Variants in CRISPLD2 observed in about 807,000 individuals in gnomAD.
CRISPLD2 encodes cysteine rich secretory protein LCCL domain containing 2, also known as cysteine-rich secretory protein LCCL domain-containing 2.
CRISPLD2 carries 47 observed loss-of-function variants against 71.1 expected under a neutral mutation model. The ratio of observed to expected loss-of-function variants is 0.66; its 90% CI spans 0.52 to 0.84. The LOEUF is 0.84. Ranked by LOEUF, CRISPLD2 falls within the 40% of genes least tolerant of loss-of-function variation. The pLI is 0.00. For missense variants in CRISPLD2, 830 were observed against 651.1 expected (o/e 1.27, Z -2.99); for synonymous variants, 317 against 250.1 (o/e 1.27, Z -2.52).
chr16:84,854,635 G>A, intron 5 of CRISPLD2, 94 bp from the exon 6 acceptor site: 1 of 856,086 alleles, frequency 1.2e-6, no homozygotes, highest in Non-Finnish European at 2.0e-6. Context: ...GTCAGTGGCG[G>A]TGTTCAGGGA....
At chr16:84,837,701 G>A (rs1217776948) in intron 1 of CRISPLD2, among the ~76,000 whole-genome samples, 1 of 152,138 alleles carries the variant, frequency 6.6e-6, no homozygotes, top group Non-Finnish European at 1.5e-5. Context: ...ACAGGCGTGA[G>A]CCACCGCCCC....
intron 14 of CRISPLD2, among the ~76,000 whole-genome samples, chr16:84,902,798 G>T (rs1013977003): frequency 2.0e-5 from 2 of 100,570 alleles, no homozygotes; most frequent in East Asian, 3.5e-4. Context: ...TTTTGAGACA[G>T]AGTCTCACTC....
At chr16:84,820,825 A>G (rs1317177165) in intron 1 of CRISPLD2, among the ~76,000 whole-genome samples, 1 of 152,156 alleles carries the variant, frequency 6.6e-6, no homozygotes, top group Non-Finnish European at 1.5e-5. Context: ...GGGCACCTGC[A>G]TAACTCCTGC....
chr16:84,881,007 C>A (rs937231183), intron 13 of CRISPLD2, among the ~76,000 whole-genome samples: 3 of 152,086 alleles, frequency 2.0e-5, no homozygotes, highest in Middle Eastern at 3.2e-3. Context: ...ACCCGGCCAA[C>A]CTCTTAGCTA....
intron 2 of CRISPLD2, chr16:84,839,199 T>C: frequency 3.0e-6 from 1 of 335,676 alleles, no homozygotes; most frequent in South Asian, 2.3e-5. Flanking sequence ...GGCTCTGTTC[T>C]TAACATTCTG....
chr16:84,823,003 G>A (rs1167428980), intron 1 of CRISPLD2, among the ~76,000 whole-genome samples: 1 of 152,070 alleles, frequency 6.6e-6, no homozygotes, highest in Admixed American at 6.5e-5. Flanking sequence ...GAAACCCCAG[G>A]CCCATTAGGC....
At chr16:84,879,025 G>T (rs1053911644) in intron 12 of CRISPLD2, among the ~76,000 whole-genome samples, 1 of 152,170 alleles carries the variant, frequency 6.6e-6, no homozygotes, top group Non-Finnish European at 1.5e-5. Context: ...GGGACAATAG[G>T]TGGTGACCCC....
intron 12 of CRISPLD2, among the ~76,000 whole-genome samples, chr16:84,877,941 T>G (rs931964183): frequency 2.0e-5 from 3 of 151,040 alleles, no homozygotes; most frequent in Non-Finnish European, 2.9e-5. Flanking sequence ...CCGGGCACGG[T>G]GGCTCACGCC....
At chr16:84,848,390 A>G (rs926990665) in intron 3 of CRISPLD2, among the ~76,000 whole-genome samples, 1 of 150,732 alleles carries the variant, frequency 6.6e-6, no homozygotes, top group Non-Finnish European at 1.5e-5. Context: ...CATCGAAACC[A>G]CTTTGTTTAT....
At position 84,838,576 on chromosome 16, in the gene CRISPLD2, C is replaced by T. The variant is rs139901174; in HGVS notation, c.81C>T (p.Asn27=). The T allele has an allele frequency of 2.8e-4, 458 of 1,614,238 alleles. No individual in the cohort carries two copies. Among genetic ancestry groups the T allele is most frequent in the Middle Eastern group, 8.2e-4 (5 of 6,062 alleles). The change falls in exon 2 of 15, where the codon AAC becomes AAT. Residue 27 remains asparagine (N), a synonymous_variant. Coordinates refer to ENST00000262424, the MANE Select transcript of CRISPLD2 (RefSeq NM_031476.4). ...VCGSQGYLLP[N]VTLLEELLSK... Reference sequence around the variant, plus strand: ...GATCCCAAGGCTACCTCCTGCCCAACGTCACTCTCTTAGAGGAGCTGCTCA... The same window carrying T: ...GATCCCAAGGCTACCTCCTGCCCAATGTCACTCTCTTAGAGGAGCTGCTCA...
intron 9 of CRISPLD2, 97 bp downstream of exon 9, chr16:84,872,605 C>T (rs1023619393): frequency 4.6e-6 from 5 of 1,077,270 alleles, no homozygotes; most frequent in Non-Finnish European, 7.0e-6. Context: ...GATTTTCTTT[C>T]CACTCCTTAG....
Position 84,908,469 on chromosome 16 carries a change from G to C in CRISPLD2, c.*1827G>C, listed in dbSNP as rs1238737083. 6.6e-6 allele frequency: 1 copy of C among 152,276 alleles called. No individual in the cohort carries two copies. Among genetic ancestry groups the C allele is most frequent in the African/African-American group, 2.4e-5 (1 of 41,444 alleles). The allele number at this position is 152,276 out of a possible 1,614,324, so 9.4% of individuals were successfully genotyped here. ...GTGTCTGTGTCTGCAAGATAAATTA[G>C]ATCGCCCTGTGGGGTTTGCAGAATT... On this transcript the variant is annotated 3_prime_UTR_variant, in exon 15 of 15. Coordinates refer to ENST00000262424, the MANE Select transcript of CRISPLD2 (RefSeq NM_031476.4).
In CRISPLD2 at chr16:84,838,410, GCTTC is replaced by G; in HGVS notation, c.-74-8_-74-5del. The G allele has an allele frequency of 6.6e-7, 1 of 1,524,634 alleles. No homozygotes were observed. Among genetic ancestry groups the G allele is most frequent in the Non-Finnish European group, 8.9e-7 (1 of 1,129,254 alleles). The allele number at this position is 1,524,634 out of a possible 1,614,324, so 94.4% of individuals were successfully genotyped here. A position where few individuals can be genotyped will look rare whatever the true frequency, so the allele number is the denominator to read the frequency against. On this transcript the variant is annotated splice_region_variant and splice_polypyrimidine_tract_variant and intron_variant, in intron 1 of 14. Transcript: ENST00000262424. ...AATGCGACTTCTCCCACCACCCTCT[GCTTC>G]CTTTCAGAGCTCAAGCGCCCAGCTC... is the stretch of plus-strand genomic sequence containing the variant.
At chr16:84,844,993 T>A (rs1339258156) in intron 2 of CRISPLD2, among the ~76,000 whole-genome samples, 1 of 152,168 alleles carries the variant, frequency 6.6e-6, no homozygotes, top group Non-Finnish European at 1.5e-5. Flanking sequence ...AGGACCAGCA[T>A]TCAGAGCGCC....
chr16:84,854,059 C>G (rs1390202482), intron 5 of CRISPLD2, among the ~76,000 whole-genome samples: 1 of 152,200 alleles, frequency 6.6e-6, no homozygotes, highest in Non-Finnish European at 1.5e-5. Flanking sequence ...AACTGTGACC[C>G]AAGAGGGACC....
intron 13 of CRISPLD2, among the ~76,000 whole-genome samples, chr16:84,884,633 G>A (rs917926069): frequency 7.2e-5 from 11 of 152,154 alleles, no homozygotes; most frequent in Admixed American, 2.6e-4. Context: ...AGGTGTGGAG[G>A]AAGGAAGAAA....
At chr16:84,836,796 G>A (rs1172531853) in intron 1 of CRISPLD2, among the ~76,000 whole-genome samples, 2 of 152,158 alleles carry the variant, frequency 1.3e-5, no homozygotes, top group Non-Finnish European at 2.9e-5. Context: ...TAAACACCTG[G>A]TTGGTGCTAT....
At chr16:84,845,962 T>A in intron 3 of CRISPLD2, 58 bp downstream of exon 3, 3 of 1,096,426 alleles carry the variant, frequency 2.7e-6, no homozygotes, top group Non-Finnish European at 4.1e-6. Context: ...TGTGCCGGGC[T>A]CAGCACTTGT....
Position 84,836,492 on chromosome 16 carries a change from GC to G in CRISPLD2, c.-74-1927del, listed in dbSNP as rs777098207. On this transcript the variant is annotated intron_variant, in intron 1 of 14. Coordinates refer to ENST00000262424, the MANE Select transcript of CRISPLD2 (RefSeq NM_031476.4). ...CCGGGCTCGGCTTTGGAGGAGGGCA[GC>G]CCGTCTGCCCTGCTACAAAGCAAGC... 4.6e-5 allele frequency: 7 copies of G among 152,176 alleles called. No individual in the cohort carries two copies. The East Asian group carries it at 1.4e-3, about 29-fold the overall frequency. The allele number at this position is 152,176 out of a possible 1,614,324, so 9.4% of individuals were successfully genotyped here.
Sources: allele counts gnomAD v4.1 joint callset (sites outside exome capture counted in the v4.1 genomes callset), GRCh38; gene constraint gnomAD v4.1.1; transcripts MANE v1.5; gene names NCBI Gene and HGNC (gene_info 2026-07-23, HGNC 2026-07-21).